TCTN1: variants seen among roughly 807,000 people sequenced by gnomAD.
TCTN1 encodes tectonic-1.
Under a neutral mutation model 65.8 loss-of-function variants are expected in TCTN1, and 58 were observed. That is an observed-to-expected ratio of 0.88 (90% CI 0.71 to 1.10). The LOEUF (loss-of-function observed/expected upper bound fraction) is 1.10. Among genes scored for constraint, TCTN1 ranks in the 50% least tolerant of loss-of-function variants. TCTN1 has a pLI of 0.00. For synonymous variants in TCTN1, 273 were observed against 289.1 expected (o/e 0.94, Z 0.57); for missense variants, 645 against 719.4 (o/e 0.90, Z 1.18).
At chr12:110,641,744 A>G in intron 10 of TCTN1, 117 bp downstream of exon 10, 1 of 1,080,448 alleles carries the variant, frequency 9.3e-7, no homozygotes, top group South Asian at 1.3e-5. Flanking sequence ...AGAGCAGTCC[A>G]GGCCGAGCTT....
At chr12:110,631,635 A>AAAAC (rs941842712) in intron 4 of TCTN1, among the ~76,000 whole-genome samples, 1 of 152,120 alleles carries the variant, frequency 6.6e-6, no homozygotes, top group Non-Finnish European at 1.5e-5. Flanking sequence ...CTCCATCTCA[A>AAAAC]AAACAAACAA....
chr12:110,618,073 C>CTT (rs1177692303), intron 1 of TCTN1, among the ~76,000 whole-genome samples: 68 of 134,932 alleles, frequency 5.0e-4, no homozygotes, highest in African/African-American at 1.2e-3. Context: ...GGCTTGAGAT[C>CTT]TTTTTTTTTT....
intron 2 of TCTN1, among the ~76,000 whole-genome samples, chr12:110,620,600 G>A (rs761636563): frequency 6.6e-6 from 1 of 152,112 alleles, no homozygotes; most frequent in Non-Finnish European, 1.5e-5. Context: ...AGGGTGAAAA[G>A]TGCATTTTAA....
chr12:110,628,176 G>A (rs1352880787), intron 3 of TCTN1: 1 of 1,535,924 alleles, frequency 6.5e-7, no homozygotes, highest in Non-Finnish European at 8.7e-7. Context: ...CAGTCCAGGG[G>A]CTAGAGAAAT....
chr12:110,632,370 C>A, intron 4 of TCTN1, 102 bp from the exon 5 acceptor site: 1 of 1,199,208 alleles, frequency 8.3e-7, no homozygotes, highest in Non-Finnish European at 1.2e-6. Flanking sequence ...ATCAGTGTGT[C>A]TCTGATGCCT....
chr12:110,645,368 A>T (rs1477714728), intron 12 of TCTN1: 1 of 535,758 alleles, frequency 1.9e-6, no homozygotes, highest in African/African-American at 1.9e-5. Flanking sequence ...TAGTGAGTGA[A>T]TGGCCTCATG....
Position 110,639,082 on chromosome 12 carries a change from A to G in TCTN1, c.844-1301A>G, listed in dbSNP as rs558222966. On this transcript the variant is annotated intron_variant, in intron 7 of 14. Transcript: ENST00000397659. The surrounding 1 kb of genome is among the most constrained non-coding windows in gnomAD (Gnocchi z 4.9). ...GCAGACACATAAGGACTGCTTATTT[A>G]TCTCTAAAATAACTGCTTAAATACT... Among the ~76,000 whole-genome samples, 47 of 152,360 alleles carry G rather than the reference A, an allele frequency of 3.1e-4. No homozygotes were observed. The highest frequency in any genetic ancestry group is 6.8e-3 in the Middle Eastern group (2 of 294).
At chr12:110,643,464 G>A (rs895796248) in intron 11 of TCTN1, 5 of 152,000 alleles carry the variant, frequency 3.3e-5, no homozygotes, top group African/African-American at 1.2e-4. Context: ...TCTTGTAGCT[G>A]TTTTTTTCAA....
At chr12:110,627,056 G>C (rs2065901002) in intron 3 of TCTN1, among the ~76,000 whole-genome samples, 1 of 150,998 alleles carries the variant, frequency 6.6e-6, no homozygotes, top group African/African-American at 2.4e-5. Context: ...ACAGGTGTGA[G>C]CCACTGTGCC....
intron 7 of TCTN1, 32 bp downstream of exon 7, chr12:110,636,533 A>T: frequency 8.3e-7 from 1 of 1,207,656 alleles, no homozygotes; most frequent in Non-Finnish European, 1.2e-6. Flanking sequence ...TGTAATAGAA[A>T]GTAGGATAGT....
At chr12:110,648,862 T>G (rs2067618633) in intron 14 of TCTN1, 181 bp from the exon 15 acceptor site, 1 of 376,688 alleles carries the variant, frequency 2.7e-6, no homozygotes, top group African/African-American at 2.1e-5. Flanking sequence ...AAAAATGTTG[T>G]CAGGTGGCAG....
rs1203695918 is a variant in TCTN1 at position 110,649,251 on chromosome 12, C to A, written c.*210C>A. ...GCAGCTCTTGGTGGTACTGGACCTTCCACAAGGCTGTGTCCACCCAGAATC... is the reference window on the plus strand; with the variant it reads ...GCAGCTCTTGGTGGTACTGGACCTTACACAAGGCTGTGTCCACCCAGAATC... On this transcript the variant is annotated 3_prime_UTR_variant, in exon 15 of 15. Transcript: ENST00000397659. 3 of 680,528 alleles carry A rather than the reference C, an allele frequency of 4.4e-6. No homozygotes were observed. The highest frequency in any genetic ancestry group is 2.4e-4 in the Middle Eastern group (1 of 4,164). 42.2% of individuals were successfully genotyped at this position (680,528 alleles called of 1,614,324 possible).
At chr12:110,631,164 C>T (rs1204721768) in intron 4 of TCTN1, among the ~76,000 whole-genome samples, 2 of 151,902 alleles carry the variant, frequency 1.3e-5, no homozygotes, top group Non-Finnish European at 2.9e-5. Context: ...TGGGGTTTCA[C>T]CATGTTGGCC....
chr12:110,619,937 T>A lies in TCTN1; in HGVS notation c.322T>A (p.Cys108Ser), dbSNP rs1395038342. The stretch of plus-strand genomic sequence containing the variant: ...CGTGGATTTCAGTGTCTTTTCTGCC[T>A]GCTCAGTTCCAGTTGTCACGTAAGT... ...SSVDFSVFSA[C>S]SVPVVTGDSQ... is the part of the protein sequence containing the mutation. The change falls in exon 2 of 15, where the codon TGC becomes AGC. Residue 108 changes from cysteine to serine, a missense_variant. Coordinates refer to ENST00000397659, the MANE Select transcript of TCTN1 (RefSeq NM_001082538.3). The A allele has an allele frequency of 6.2e-7, 1 of 1,614,188 alleles. No homozygotes were observed. The highest frequency in any genetic ancestry group is 1.7e-5 in the Admixed American group (1 of 59,994).
chr12:110,628,905 C>T lies in TCTN1; in HGVS notation c.611C>T (p.Ala204Val). Residue 204 changes from alanine to valine, a missense_variant, in exon 4 of 15, where the codon GCT becomes GTT. By Grantham distance (64) the Ala-to-Val change is moderately conservative. Coordinates refer to ENST00000397659, the MANE Select transcript of TCTN1 (RefSeq NM_001082538.3). ...SFTTKLDIPT[A>V]AKYEYGVPLQ... ...ACAACCAAACTGGATATTCCTACTG[C>T]TGCTAAATATGAGGTGAGCCTGAAC... 1 of 1,613,568 alleles carries T rather than the reference C, an allele frequency of 6.2e-7. No individual in the cohort carries two copies. The highest frequency in any genetic ancestry group is 2.2e-5 in the East Asian group (1 of 44,816).
At chr12:110,622,746 T>C (rs2065530395) in intron 2 of TCTN1, among the ~76,000 whole-genome samples, 1 of 152,054 alleles carries the variant, frequency 6.6e-6, no homozygotes, top group Admixed American at 6.6e-5. Flanking sequence ...GTGTATATGC[T>C]AAGGGGTTTG....
At chr12:110,642,812 A>G (rs1240901079) in intron 11 of TCTN1, among the ~76,000 whole-genome samples, 1 of 151,106 alleles carries the variant, frequency 6.6e-6, no homozygotes, top group Non-Finnish European at 1.5e-5. Context: ...TCTGGAGTGC[A>G]GTGGTATAAT....
rs118057448 is a variant in TCTN1 at position 110,640,473 on chromosome 12, G to A, written c.934G>A (p.Val312Ile). The A allele has an allele frequency of 8.8e-4, 1,414 of 1,614,208 alleles. 1 individual carries two copies. The highest frequency in any genetic ancestry group is 1.6e-3 in the Middle Eastern group (10 of 6,062). ...CACTGATGTGCTGCAGCCGACTCTC[G>A]TCAACGCTGGACACTTTAGCCTTTG... ...EDTDVLQPTLVNAGHFSLCVN... is the reference protein window; with the variant it reads ...EDTDVLQPTLINAGHFSLCVN... Residue 312 changes from valine to isoleucine, a missense_variant, in exon 8 of 15, where the codon GTC becomes ATC. Coordinates refer to ENST00000397659, the MANE Select transcript of TCTN1 (RefSeq NM_001082538.3). The surrounding 1 kb of genome is among the most constrained non-coding windows in gnomAD (Gnocchi z 4.9).
chr12:110,632,557 C>A lies in TCTN1; in HGVS notation c.710C>A (p.Ala237Glu). ...TCTCTGTGCACTGATAATAACCCTG[C>A]AGGTAAGAAAGTGGTCATTCTTCTT... ...TSSLCTDNNP[A>E]AFLVNQAVKC... is the part of the protein sequence containing the mutation. Residue 237 changes from alanine to glutamate, a missense_variant and splice_region_variant, in exon 5 of 15, where the codon GCA becomes GAA. Physicochemically the swap from Ala to Glu is moderately radical, Grantham distance 107. Coordinates refer to ENST00000397659, the MANE Select transcript of TCTN1 (RefSeq NM_001082538.3). 13 of 1,613,788 alleles carry A rather than the reference C, an allele frequency of 8.1e-6. No individual in the cohort carries two copies. The highest frequency in any genetic ancestry group is 1.1e-5 in the Non-Finnish European group (13 of 1,179,752).
Sources: allele counts gnomAD v4.1 joint callset (sites outside exome capture counted in the v4.1 genomes callset), GRCh38; gene constraint gnomAD v4.1.1; non-coding constraint Gnocchi (gnomAD v3.1); transcripts MANE v1.5; gene names NCBI Gene and HGNC (gene_info 2026-07-23, HGNC 2026-07-21).